DCC: variants seen among roughly 807,000 people sequenced by gnomAD.
DCC encodes the protein DCC netrin 1 receptor.
Under a neutral mutation model 172.5 loss-of-function variants are expected in DCC, and 58 were observed. The ratio of observed to expected loss-of-function variants is 0.34; its 90% confidence interval spans 0.27 to 0.42. The LOEUF (loss-of-function observed/expected upper bound fraction) is 0.42. Among genes scored for constraint, DCC ranks in the 10% least tolerant of loss-of-function variants. The pLI is 1.00. For missense variants in DCC, 1,740 were observed against 1,791.0 expected, an observed-to-expected ratio of 0.97 and a Z score of 0.51; for synonymous variants, 709 against 644.5, an observed-to-expected ratio of 1.10 and a Z score of -1.52.
chr18:53,472,559 C>T (rs2045710716), intron 25 of DCC, among the ~76,000 whole-genome samples: 1 of 152,166 alleles, frequency 6.6e-6, no homozygotes, highest in Non-Finnish European at 1.5e-5. Flanking sequence ...CTTCCTGTCC[C>T]ATCTAATTAG....
intron 5 of DCC, among the ~76,000 whole-genome samples, chr18:53,003,152 A>T (rs1253739612): frequency 6.6e-6 from 1 of 152,156 alleles, no homozygotes; most frequent in African/African-American, 2.4e-5. Context: ...AAGTGACTTG[A>T]CGTCCTCTCC....
rs148556997 is a variant in DCC, at chr18:52,806,233, C to A, written c.412+53859C>A. On this transcript the variant is annotated intron_variant, in intron 2 of 28. Coordinates refer to ENST00000442544, the MANE Select transcript of DCC (RefSeq NM_005215.4). ...GGCAGAAAGTAAGAGACTTCCCATA[C>A]ACCCCAGTCCCCATACGTGTAAACC... Among the ~76,000 whole-genome samples the A allele has an allele frequency of 1.2e-4, 19 of 152,302 alleles. No homozygotes were observed. The East Asian group carries it at 3.7e-3, about 29-fold the overall frequency.
At chr18:52,990,160 C>T (rs773457940) in intron 5 of DCC, among the ~76,000 whole-genome samples, 3 of 151,996 alleles carry the variant, frequency 2.0e-5, no homozygotes, top group Non-Finnish European at 4.4e-5. Flanking sequence ...CAGAGTAGAA[C>T]CCAGAGATGC....
chr18:53,306,957 G>A (rs1191383278), intron 13 of DCC, among the ~76,000 whole-genome samples: 1 of 152,270 alleles, frequency 6.6e-6, no homozygotes, highest in East Asian at 1.9e-4. Context: ...TTGCAAGTGA[G>A]AAAAAAGAAA....
At chr18:52,443,641 G>A (rs896540318) in intron 1 of DCC, among the ~76,000 whole-genome samples, 48 of 152,178 alleles carry the variant, frequency 3.2e-4, no homozygotes, top group African/African-American at 1.0e-3. Context: ...GGAACTGCAA[G>A]TAATGAGGCA....
At chr18:52,521,624 G>T (rs546756724) in intron 1 of DCC, among the ~76,000 whole-genome samples, 1 of 152,196 alleles carries the variant, frequency 6.6e-6, no homozygotes, top group African/African-American at 2.4e-5. Context: ...AAAGGCCTTA[G>T]GACTCTGCTG....
chr18:52,726,614 T>C (rs1422389619), intron 1 of DCC, among the ~76,000 whole-genome samples: 1 of 152,234 alleles, frequency 6.6e-6, no homozygotes, highest in Non-Finnish European at 1.5e-5. Context: ...TTACATTTTA[T>C]TGTTTTTGCA....
intron 5 of DCC, among the ~76,000 whole-genome samples, chr18:53,003,795 A>G (rs1402986785): frequency 6.6e-6 from 1 of 152,122 alleles, no homozygotes; most frequent in African/African-American, 2.4e-5. Flanking sequence ...CCATACACAG[A>G]GACGCACCTC....
intron 5 of DCC, among the ~76,000 whole-genome samples, chr18:52,950,776 T>A (rs112844384): frequency 0.012 from 1,885 of 151,144 alleles, 44 homozygotes; most frequent in African/African-American, 0.041. Context: ...TAGAAAAAAA[T>A]TAGCTGGGCG....
At chr18:52,704,845 C>T (rs1257508993) in intron 1 of DCC, among the ~76,000 whole-genome samples, 2 of 152,136 alleles carry the variant, frequency 1.3e-5, no homozygotes, top group Non-Finnish European at 2.9e-5. Context: ...TGAGGATTTG[C>T]TTTCAATCCT....
At chr18:53,473,588 T>C (rs1451436954) in intron 25 of DCC, among the ~76,000 whole-genome samples, 1 of 152,180 alleles carries the variant, frequency 6.6e-6, no homozygotes, top group Non-Finnish European at 1.5e-5. Context: ...ATTATTCACT[T>C]GGTAAATACC....
intron 1 of DCC, among the ~76,000 whole-genome samples, chr18:52,368,042 C>T (rs892044656): frequency 6.6e-6 from 1 of 152,156 alleles, no homozygotes; most frequent in African/African-American, 2.4e-5. Context: ...AGGTTTTGGA[C>T]CTTTTCCACT....
chr18:53,164,489 A>G (rs1034659388), intron 8 of DCC, among the ~76,000 whole-genome samples: 3 of 152,210 alleles, frequency 2.0e-5, no homozygotes, highest in African/African-American at 7.2e-5. Context: ...AGTATAACAC[A>G]GTATAGCCAA....
chr18:52,928,876 A>G (rs1448592624), intron 5 of DCC, among the ~76,000 whole-genome samples: 1 of 152,148 alleles, frequency 6.6e-6, no homozygotes, highest in African/African-American at 2.4e-5. Flanking sequence ...CTATATTGGC[A>G]GGATGTCACT....
intron 18 of DCC, among the ~76,000 whole-genome samples, chr18:53,400,003 T>A (rs1409814939): frequency 6.6e-6 from 1 of 152,162 alleles, no homozygotes; most frequent in Non-Finnish European, 1.5e-5. Flanking sequence ...TGTTAATTTA[T>A]AATTGTCATG....
intron 21 of DCC, among the ~76,000 whole-genome samples, chr18:53,418,564 A>G (rs1225951227): frequency 6.6e-6 from 1 of 152,182 alleles, no homozygotes; most frequent in Admixed American, 6.5e-5. Context: ...ATTCCCTCAG[A>G]GAAAAAAATG....
At chr18:52,555,878 T>G (rs557135568) in intron 1 of DCC, among the ~76,000 whole-genome samples, 1 of 152,294 alleles carries the variant, frequency 6.6e-6, no homozygotes, top group African/African-American at 2.4e-5. Context: ...CAAATTGATG[T>G]AATATAATTA....
In DCC at chr18:52,843,575, C is replaced by T. The variant is rs527773817; in HGVS notation, c.413-62469C>T. Among the ~76,000 whole-genome samples, 22 of 152,302 alleles carry T rather than the reference C, an allele frequency of 1.4e-4. No individual in the cohort carries two copies. In the South Asian group the frequency reaches 4.4e-3, roughly 30 times the overall value. On this transcript the variant is annotated intron_variant, in intron 2 of 28. Coordinates refer to ENST00000442544, the MANE Select transcript of DCC (RefSeq NM_005215.4). Reference sequence around the variant, plus strand: ...ACTCATAATTAAATGTGTGCAATAACTCTTAATGCCTTAAACCCCGTTGTT... The same window carrying T: ...ACTCATAATTAAATGTGTGCAATAATTCTTAATGCCTTAAACCCCGTTGTT...
At chr18:53,414,670 AACC>A (rs1467354447) in intron 20 of DCC, among the ~76,000 whole-genome samples, 1 of 152,068 alleles carries the variant, frequency 6.6e-6, no homozygotes, top group East Asian at 1.9e-4. Context: ...AACATGGTGA[AACC>A]ACATCTCTAC....
Sources: allele counts gnomAD v4.1 joint callset (sites outside exome capture counted in the v4.1 genomes callset), GRCh38; gene constraint gnomAD v4.1.1; transcripts MANE v1.5; gene names NCBI Gene and HGNC (gene_info 2026-07-23, HGNC 2026-07-21).